WDPCP: variants seen among roughly 807,000 people sequenced by gnomAD.
The protein encoded by WDPCP is WD repeat containing planar cell polarity effector, also known as WD repeat-containing and planar cell polarity effector protein fritz homolog.
A neutral mutation model predicts 93.1 loss-of-function variants in WDPCP; 71 were observed. The observed-to-expected ratio is 0.76, with a 90% CI of 0.63 to 0.93. WDPCP has a LOEUF of 0.93. Ranked by LOEUF, WDPCP falls within the 40% of genes least tolerant of loss-of-function variation. The pLI is 0.00. For synonymous variants in WDPCP, 315 were observed against 315.0 expected, an observed-to-expected ratio of 1.00 and a Z score of 0.00; for missense variants, 844 against 887.4, an observed-to-expected ratio of 0.95 and a Z score of 0.62.
chr2:63,268,712 C>T (rs926338509), intron 13 of WDPCP, among the ~76,000 whole-genome samples: 2 of 106,498 alleles, frequency 1.9e-5, no homozygotes, highest in Non-Finnish European at 3.6e-5. Context: ...AACTCCTGGG[C>T]TCAAGTGATC....
chr2:63,219,959 G>A (rs780179334), intron 14 of WDPCP, among the ~76,000 whole-genome samples: 9 of 152,036 alleles, frequency 5.9e-5, no homozygotes, highest in African/African-American at 1.7e-4. Flanking sequence ...CCAAGATCGC[G>A]CCACTGCAAT....
chr2:63,449,660 T>G (rs375917987), intron 6 of WDPCP, among the ~76,000 whole-genome samples: 2 of 152,028 alleles, frequency 1.3e-5, no homozygotes, highest in Non-Finnish European at 2.9e-5. Context: ...ACCCCGACAT[T>G]AGCATGGTGT....
chr2:63,139,487 T>C (rs865914209), intron 17 of WDPCP, among the ~76,000 whole-genome samples: 1 of 152,198 alleles, frequency 6.6e-6, no homozygotes, highest in African/African-American at 2.4e-5. Flanking sequence ...CCACATCTAC[T>C]GTTTGATTTT....
chr2:63,266,902 C>T (rs1229789471), intron 13 of WDPCP, among the ~76,000 whole-genome samples: 1 of 152,122 alleles, frequency 6.6e-6, no homozygotes, highest in Non-Finnish European at 1.5e-5. Flanking sequence ...AATGTTCATA[C>T]TACCCAAAGT....
chr2:63,764,988 C>T (rs932415511), intron 2 of WDPCP, among the ~76,000 whole-genome samples: 1 of 152,170 alleles, frequency 6.6e-6, no homozygotes, highest in Non-Finnish European at 1.5e-5. Context: ...GCTAAGGTAG[C>T]TTTTCCACTC....
chr2:63,269,140 A>C (rs890834815), intron 13 of WDPCP, among the ~76,000 whole-genome samples: 1 of 152,168 alleles, frequency 6.6e-6, no homozygotes, highest in African/African-American at 2.4e-5. Context: ...TCATATTGAC[A>C]ATTTTTAACT....
At chr2:63,669,346 A>C (rs1710318488) in intron 2 of WDPCP, among the ~76,000 whole-genome samples, 1 of 136,490 alleles carries the variant, frequency 7.3e-6, no homozygotes. Flanking sequence ...ACAATGTCTA[A>C]TTTTTTATTT....
At chr2:63,446,571 T>A (rs763434151) in intron 6 of WDPCP, among the ~76,000 whole-genome samples, 22 of 152,136 alleles carry the variant, frequency 1.4e-4, no homozygotes, top group Non-Finnish European at 2.6e-4. Flanking sequence ...TTTTCTCACA[T>A]AAAGAAAGGG....
intron 14 of WDPCP, among the ~76,000 whole-genome samples, chr2:63,243,544 G>A (rs182714133): frequency 6.6e-6 from 1 of 152,190 alleles, no homozygotes; most frequent in East Asian, 1.9e-4. Context: ...ACAAAAAAGA[G>A]CAGGAGTTGC....
At chr2:63,393,657 C>T (rs1693471680) in intron 10 of WDPCP, among the ~76,000 whole-genome samples, 1 of 151,916 alleles carries the variant, frequency 6.6e-6, no homozygotes, top group Admixed American at 6.6e-5. Flanking sequence ...GGCATCACAA[C>T]ATACCCAACT....
intron 2 of WDPCP, among the ~76,000 whole-genome samples, chr2:63,652,292 T>C (rs983111733): frequency 3.3e-5 from 5 of 152,234 alleles, no homozygotes; most frequent in Non-Finnish European, 5.9e-5. Context: ...AGCAACTTGG[T>C]TGGCACAACC....
chr2:63,387,212 C>T (rs554529773), intron 10 of WDPCP, among the ~76,000 whole-genome samples: 84 of 152,078 alleles, frequency 5.5e-4, no homozygotes, highest in African/African-American at 2.0e-3. Flanking sequence ...ATCCTTGATA[C>T]ACGTAGATGT....
Position 63,294,774 on chromosome 2 carries a change from T to C in WDPCP, c.1812+18474A>G, listed in dbSNP as rs572340764. The stretch of plus-strand genomic sequence containing the variant: ...ATAAAATTAACTACCAGGTATATTA[T>C]AAAAGCTAGCATTATTGTAACAATG... On this transcript the variant is annotated intron_variant, in intron 13 of 17. Transcript: ENST00000272321. 9.2e-5 allele frequency among the ~76,000 whole-genome samples: 14 copies of C among 152,260 alleles called. No homozygotes were observed. In the East Asian group the frequency reaches 2.3e-3, roughly 25 times the overall value.
At chr2:63,718,027 C>T (rs144042373) in intron 2 of WDPCP, 4 of 152,066 alleles carry the variant, frequency 2.6e-5, no homozygotes, top group Non-Finnish European at 5.9e-5. Flanking sequence ...ATCTGAGGCA[C>T]TGAAAATACA....
intron 2 of WDPCP, among the ~76,000 whole-genome samples, chr2:63,671,292 A>C (rs763311565): frequency 2.4e-4 from 37 of 152,174 alleles, no homozygotes; most frequent in Non-Finnish European, 4.7e-4. Flanking sequence ...GCTCCTAGCC[A>C]ATGACAAAGT....
chr2:63,800,246 A>C (rs1419574889), intron 2 of WDPCP, among the ~76,000 whole-genome samples: 1 of 152,190 alleles, frequency 6.6e-6, no homozygotes, highest in Non-Finnish European at 1.5e-5. Flanking sequence ...AGAACCACTG[A>C]GAAACTTTTG....
At chr2:63,644,854 T>A (rs966180326) in intron 3 of WDPCP, among the ~76,000 whole-genome samples, 1 of 152,134 alleles carries the variant, frequency 6.6e-6, no homozygotes, top group Non-Finnish European at 1.5e-5. Flanking sequence ...AGCTGTAATG[T>A]GTCCTTTTTC....
intron 15 of WDPCP, among the ~76,000 whole-genome samples, chr2:63,161,068 G>A (rs1445372559): frequency 1.3e-5 from 2 of 152,204 alleles, no homozygotes; most frequent in Non-Finnish European, 2.9e-5. Flanking sequence ...GTGGGAAGAA[G>A]CATACAAAGC....
At chr2:63,756,946 G>A (rs1669977429) in intron 2 of WDPCP, among the ~76,000 whole-genome samples, 1 of 152,064 alleles carries the variant, frequency 6.6e-6, no homozygotes, top group African/African-American at 2.4e-5. Flanking sequence ...TCTCTTGCAG[G>A]GGACATATAA....
Sources: gnomAD v4.1 joint callset for allele counts (sites outside exome capture counted in the v4.1 genomes callset) on GRCh38, gnomAD v4.1.1 for gene constraint, MANE v1.5 for transcripts, NCBI Gene and HGNC (gene_info 2026-07-23, HGNC 2026-07-21) for gene names.